Variants in BMP7 observed in about 807,000 individuals in gnomAD.
BMP7 encodes the protein osteogenic protein 1.
BMP7 carries 12 observed loss-of-function variants against 41.2 expected under a neutral mutation model. That is an observed-to-expected ratio of 0.29 (90% CI 0.19 to 0.47). The LOEUF is 0.47. Ranked by LOEUF, BMP7 falls within the 20% of genes least tolerant of loss-of-function variation. The pLI is 0.99. For missense variants in BMP7, 467 were observed against 606.0 expected (o/e 0.77, Z 2.41); for synonymous variants, 248 against 250.0 (o/e 0.99, Z 0.07).
chr20:57,183,533 G>A (rs1242921262), intron 4 of BMP7, among the ~76,000 whole-genome samples, 189 bp downstream of exon 4: 1 of 152,200 alleles, frequency 6.6e-6, no homozygotes, highest in East Asian at 1.9e-4. Flanking sequence ...GCATTTCTAA[G>A]CTAGTTTATT....
intron 1 of BMP7, among the ~76,000 whole-genome samples, chr20:57,258,256 G>A (rs769388473): frequency 1.5e-4 from 23 of 152,196 alleles, no homozygotes; most frequent in Non-Finnish European, 2.8e-4. Flanking sequence ...GCCACCCCTC[G>A]GTATCTGGCC....
At chr20:57,254,698 CGA>C (rs2146029292) in intron 1 of BMP7, among the ~76,000 whole-genome samples, 1 of 152,018 alleles carries the variant, frequency 6.6e-6, no homozygotes, top group East Asian at 1.9e-4. Flanking sequence ...TGCGCTGGGG[CGA>C]CTATTCCATA....
rs7509389 is a variant in BMP7 at position 57,223,744 on chromosome 20, C to T, written c.611+4485G>A. Among the ~76,000 whole-genome samples the T allele has an allele frequency of 2.6e-5, 4 of 152,232 alleles. No individual in the cohort carries two copies. In the East Asian group the frequency reaches 7.7e-4, roughly 29 times the overall value. Reference sequence around the variant, plus strand: ...CAGTAAGCACCACGCAACAAGAAGCCTCAACCACAGGGTGGAGACATGCTC... The same window carrying T: ...CAGTAAGCACCACGCAACAAGAAGCTTCAACCACAGGGTGGAGACATGCTC... On this transcript the variant is annotated intron_variant, in intron 2 of 6. Transcript: ENST00000395863.
At chr20:57,173,574 G>A in intron 5 of BMP7, 1 of 570,798 alleles carries the variant, frequency 1.8e-6, no homozygotes. Context: ...ACGGCTCAAA[G>A]CTGCGGTGAG....
Position 57,200,756 on chromosome 20 carries a change from T to C in BMP7, c.760+1719A>G, listed in dbSNP as rs142915725. Among the ~76,000 whole-genome samples, 746 of 152,202 alleles carry C rather than the reference T, an allele frequency of 4.9e-3. 25 individuals are homozygous for C. The highest frequency in any genetic ancestry group is 0.038 in the Admixed American group (577 of 15,292). On this transcript the variant is annotated intron_variant, in intron 3 of 6. Coordinates refer to ENST00000395863, the MANE Select transcript of BMP7 (RefSeq NM_001719.3). Reference sequence around the variant, plus strand: ...GTTATAGTGAATCGAGATCGTGCCATTGCACTCCAGCCTGGGTGACAGAGA... The same window carrying C: ...GTTATAGTGAATCGAGATCGTGCCACTGCACTCCAGCCTGGGTGACAGAGA...
At position 57,170,491 on chromosome 20, in the gene BMP7, A is replaced by G. The variant is rs575418172; in HGVS notation, c.*468T>C. ...AGGAAAATATATCTGTAACGTCCTA[A>G]CCATTTTCATTCATTCGTTTTATTG... On this transcript the variant is annotated 3_prime_UTR_variant, in exon 7 of 7. Transcript: ENST00000395863. 15 of 270,592 alleles carry G rather than the reference A, an allele frequency of 5.5e-5. No homozygotes were observed. In the South Asian group the frequency reaches 5.9e-4, roughly 11 times the overall value. The allele number at this position is 270,592 out of a possible 1,614,324, so 16.8% of individuals were successfully genotyped here.
intron 3 of BMP7, among the ~76,000 whole-genome samples, chr20:57,192,994 G>C (rs1041788003): frequency 8.5e-5 from 13 of 152,112 alleles, no homozygotes; most frequent in Non-Finnish European, 1.8e-4. Flanking sequence ...GTGGGAAAGG[G>C]GCCCGGCCTA....
At chr20:57,219,295 GA>G (rs1412099724) in intron 2 of BMP7, among the ~76,000 whole-genome samples, 7 of 125,896 alleles carry the variant, frequency 5.6e-5, no homozygotes, top group African/African-American at 3.5e-4. Context: ...AGGTAGCAGT[GA>G]GCAAGGTAAG....
chr20:57,175,114 C>A, intron 4 of BMP7, 107 bp from the exon 5 acceptor site: 3 of 1,195,126 alleles, frequency 2.5e-6, no homozygotes, highest in Admixed American at 2.0e-5. Flanking sequence ...CAATGAAGCA[C>A]AGACGGCTGG....
rs559198335 is a variant in BMP7, at chr20:57,189,324, C to T, written c.761-5405G>A. Among the ~76,000 whole-genome samples the T allele has an allele frequency of 5.9e-5, 9 of 152,308 alleles. No homozygotes were observed. The East Asian group carries it at 1.5e-3, about 26-fold the overall frequency. On this transcript the variant is annotated intron_variant, in intron 3 of 6. Transcript: ENST00000395863. ...TTGCTCAGAGCCCATTTGCGGGCAGCGACCTCCCATCCATCCCCAGGCGCC... is the reference window on the plus strand; with the variant it reads ...TTGCTCAGAGCCCATTTGCGGGCAGTGACCTCCCATCCATCCCCAGGCGCC...
In BMP7 at chr20:57,213,765, A is replaced by C. The variant is rs1984948326; in HGVS notation, c.612-11142T>G. 6.6e-6 allele frequency among the ~76,000 whole-genome samples: 1 copy of C among 152,238 alleles called. No individual in the cohort carries two copies. Among genetic ancestry groups the C allele is most frequent in the African/African-American group, 2.4e-5 (1 of 41,466 alleles). On this transcript the variant is annotated intron_variant, in intron 2 of 6. Transcript: ENST00000395863. The surrounding 1 kb of genome is among the most constrained non-coding windows in gnomAD (Gnocchi z 4.4). ...TCAGGGATGTAGGCTGTAGGGCTCC[A>C]GGCTCTGAGTTGAGGAAAATTGGAG...
intron 1 of BMP7, among the ~76,000 whole-genome samples, chr20:57,248,649 G>A (rs2066099396): frequency 3.3e-5 from 5 of 152,202 alleles, no homozygotes; most frequent in Admixed American, 3.3e-4. Context: ...TGCTTGGACA[G>A]TATCACTGAG....
In BMP7 at chr20:57,226,957, G is replaced by A. The variant is rs187849158; in HGVS notation, c.611+1272C>T. ...TTCTCCTGCCTCAGCCTCCCAAGTA[G>A]CTGGGATTACAGGCGCCCGCCACCA... is the stretch of plus-strand genomic sequence containing the variant. On this transcript the variant is annotated intron_variant, in intron 2 of 6. Transcript: ENST00000395863. 1.9e-4 allele frequency among the ~76,000 whole-genome samples: 29 copies of A among 151,580 alleles called. No individual in the cohort carries two copies. The East Asian group carries it at 4.9e-3, about 25-fold the overall frequency.
intron 1 of BMP7, among the ~76,000 whole-genome samples, chr20:57,257,703 C>G (rs774242797): frequency 2.6e-5 from 4 of 151,228 alleles, no homozygotes; most frequent in Non-Finnish European, 5.9e-5. Flanking sequence ...CCGAAACAAC[C>G]AATATCTGAG....
intron 1 of BMP7, among the ~76,000 whole-genome samples, chr20:57,247,787 A>G (rs1600642673): frequency 6.6e-6 from 1 of 152,166 alleles, no homozygotes; most frequent in Non-Finnish European, 1.5e-5. Context: ...CAGGGGAAAC[A>G]GGAGCCGCCT....
intron 1 of BMP7, among the ~76,000 whole-genome samples, chr20:57,250,373 C>A (rs1430029409): frequency 1.4e-5 from 2 of 144,462 alleles, no homozygotes; most frequent in Non-Finnish European, 3.0e-5. Flanking sequence ...TATATACACA[C>A]ACAAAAAATT....
chr20:57,251,394 T>C (rs1410360448), intron 1 of BMP7, among the ~76,000 whole-genome samples: 1 of 152,100 alleles, frequency 6.6e-6, no homozygotes, highest in East Asian at 1.9e-4. Context: ...TAGAATTTTT[T>C]CAAAAACACA....
intron 1 of BMP7, among the ~76,000 whole-genome samples, chr20:57,254,962 G>A (rs913590084): frequency 4.6e-5 from 7 of 152,124 alleles, no homozygotes; most frequent in South Asian, 2.1e-4. Context: ...GGCACTCAGG[G>A]CCCTATGCCC....
At chr20:57,199,899 C>G (rs79082806) in intron 3 of BMP7, among the ~76,000 whole-genome samples, 2,866 of 152,312 alleles carry the variant, frequency 0.019, 96 homozygotes, top group African/African-American at 0.065. Flanking sequence ...GGGCCCTGCC[C>G]AGGAGGAGCA....
Sources: gnomAD v4.1 joint callset for allele counts (sites outside exome capture counted in the v4.1 genomes callset) on GRCh38, gnomAD v4.1.1 for gene constraint, Gnocchi (gnomAD v3.1) non-coding constraint, MANE v1.5 for transcripts, NCBI Gene and HGNC (gene_info 2026-07-23, HGNC 2026-07-21) for gene names.